The following EIF2B2 variants were observed in gnomAD, a reference collection of about 807,000 sequenced individuals.
The protein encoded by EIF2B2 is translation initiation factor eIF2B subunit beta.
A neutral mutation model predicts 34.7 loss-of-function variants in EIF2B2; 34 were observed. The observed-to-expected ratio is 0.98, with a 90% CI of 0.75 to 1.31. The LOEUF is 1.31. Ranked by LOEUF, EIF2B2 falls within the 50% of genes most tolerant of loss-of-function variation. The probability of loss-of-function intolerance (pLI) is 0.00; values close to 1 mark genes in which losing one functional copy is unlikely to be tolerated. For missense variants in EIF2B2, 361 were observed against 447.7 expected (o/e 0.81, Z 1.75); for synonymous variants, 155 against 171.6 (o/e 0.90, Z 0.76).
chr14:75,003,107 A>G lies in EIF2B2; in HGVS notation c.117A>G (p.Leu39=), dbSNP rs755897515. The G allele has an allele frequency of 8.1e-6, 13 of 1,613,598 alleles. 1 individual carries two copies. The South Asian group carries it at 1.4e-4, about 18-fold the overall frequency. ...RSSEEMARET[L]GLLRQIITDH... ...CCGAGGAAATGGCTCGGGAGACCCT[A>G]GGGTTGCTGCGCCAGATCATCACGG... The change falls in exon 1 of 8, where the codon CTA becomes CTG. Residue 39 remains leucine (L), a synonymous_variant. Transcript: ENST00000266126.
rs558148320 is a variant in EIF2B2, at chr14:75,010,520, T to G, written c.*1332T>G. On this transcript the variant is annotated 3_prime_UTR_variant, in exon 8 of 8. Coordinates refer to ENST00000266126, the MANE Select transcript of EIF2B2 (RefSeq NM_014239.4). Reference sequence around the variant, plus strand: ...ATTTGGGCTGGTTCACTGCATTTAATGTGAATTTGTTACCAATATTTAAAA... The same window carrying G: ...ATTTGGGCTGGTTCACTGCATTTAAGGTGAATTTGTTACCAATATTTAAAA... 6.6e-6 allele frequency: 1 copy of G among 152,344 alleles called. No homozygotes were observed. Among genetic ancestry groups the G allele is most frequent in the Non-Finnish European group, 1.5e-5 (1 of 68,034 alleles). 9.4% of individuals were successfully genotyped at this position (152,344 alleles called of 1,614,324 possible).
intron 6 of EIF2B2, chr14:75,007,236 T>C (rs1262162183): frequency 5.3e-6 from 2 of 375,482 alleles, no homozygotes; most frequent in African/African-American, 2.1e-5. Flanking sequence ...TTTAGTGATA[T>C]CTAGTACATT....
rs2139260275 is a variant in EIF2B2 at position 75,011,577 on chromosome 14, C to T, written c.*2389C>T. 6.6e-6 allele frequency: 1 copy of T among 152,294 alleles called. No individual in the cohort carries two copies. The highest frequency in any genetic ancestry group is 2.4e-5 in the African/African-American group (1 of 41,548). The allele number at this position is 152,294 out of a possible 1,614,324, so 9.4% of individuals were successfully genotyped here. On this transcript the variant is annotated 3_prime_UTR_variant, in exon 8 of 8. Coordinates refer to ENST00000266126, the MANE Select transcript of EIF2B2 (RefSeq NM_014239.4). ...TTTGAGAGCGATCTTTGCCTTAGGT[C>T]TTCCAGAGAGGGGAAAAAAGTAAGA... is the stretch of plus-strand genomic sequence containing the variant.
Position 75,006,577 on chromosome 14 carries a change from G to A in EIF2B2, c.694G>A (p.Val232Met). The A allele has an allele frequency of 1.2e-6, 2 of 1,613,946 alleles. No individual in the cohort carries two copies. The highest frequency in any genetic ancestry group is 1.7e-6 in the Non-Finnish European group (2 of 1,180,038). ...IFAVMSRVNK[V>M]IIGTKTILAN... ...TCACATTTTTTGTCTTGTCCCAAAG[G>A]TGATCATTGGCACGAAGACCATCCT... Residue 232 changes from valine (V) to methionine (M), a missense_variant and splice_region_variant, in exon 6 of 8, where the codon GTG becomes ATG. Transcript: ENST00000266126. The surrounding 1 kb of genome is among the most constrained non-coding windows in gnomAD (Gnocchi z 4.1).
rs1889635956 is a variant in EIF2B2, at chr14:75,006,984, C to G, written c.831+270C>G. 1.7e-6 allele frequency: 1 copy of G among 592,162 alleles called. No homozygotes were observed. Among genetic ancestry groups the G allele is most frequent in the Non-Finnish European group, 3.2e-6 (1 of 316,298 alleles). The allele number at this position is 592,162 out of a possible 1,614,324, so 36.7% of individuals were successfully genotyped here. On this transcript the variant is annotated intron_variant, in intron 6 of 7. Transcript: ENST00000266126. This position sits in a 1 kb window ranked among gnomAD's most constrained non-coding sequence, Gnocchi z 4.1. ...CCTTTGCTTACGATTGCCACCACTCCCTGTCGCCTGACCATTTCTGAAAAT... is the reference window on the plus strand; with the variant it reads ...CCTTTGCTTACGATTGCCACCACTCGCTGTCGCCTGACCATTTCTGAAAAT...
chr14:75,006,069 C>A lies in EIF2B2; in HGVS notation c.693+108C>A. The A allele has an allele frequency of 1.1e-6, 1 of 935,298 alleles. No individual in the cohort carries two copies. Among genetic ancestry groups the A allele is most frequent in the Non-Finnish European group, 1.7e-6 (1 of 572,214 alleles). The allele number at this position is 935,298 out of a possible 1,614,324, so 57.9% of individuals were successfully genotyped here. ...GGTGAGAGAATAAAGTTTCTAGCACCTTTCAAAGTACATACTTAGGCCTTT... is the reference window on the plus strand; with the variant it reads ...GGTGAGAGAATAAAGTTTCTAGCACATTTCAAAGTACATACTTAGGCCTTT... On this transcript the variant is annotated intron_variant, in intron 5 of 7. Coordinates refer to ENST00000266126, the MANE Select transcript of EIF2B2 (RefSeq NM_014239.4). The surrounding 1 kb of genome is among the most constrained non-coding windows in gnomAD (Gnocchi z 4.1).
intron 7 of EIF2B2, chr14:75,008,445 T>G (rs867184054): frequency 2.4e-4 from 48 of 196,636 alleles, no homozygotes; most frequent in Admixed American, 1.1e-3. Context: ...AGCACTCTTC[T>G]AGGCACTGAA....
intron 1 of EIF2B2, 52 bp downstream of exon 1, chr14:75,003,205 CCCAGGG>C (rs1889566498): frequency 6.2e-7 from 1 of 1,613,360 alleles, no homozygotes; most frequent in Admixed American, 1.7e-5. Flanking sequence ...TGTTCCCGAT[CCCAGGG>C]CTGAAAATTT....
chr14:75,004,666 C>CATATATATATAT lies in EIF2B2; in HGVS notation c.434-58_434-47dup, dbSNP rs1230382829. On this transcript the variant is annotated intron_variant, in intron 3 of 7. Transcript: ENST00000266126. ...ATGTGTGTTTGTGATATAGCAATTT[C>CATATATATATAT]ATATATATATATATATATATATATT... 78 of 184,072 alleles carry CATATATATATAT rather than the reference C, an allele frequency of 4.2e-4. 2 individuals carry two copies. In the African/African-American group the frequency reaches 5.3e-3, roughly 13 times the overall value. 11.4% of individuals were successfully genotyped at this position (184,072 alleles called of 1,614,324 possible). A position where few individuals can be genotyped will look rare whatever the true frequency, so the allele number is the denominator to read the frequency against.
At position 75,003,624 on chromosome 14, in the gene EIF2B2, G is replaced by A. The variant is rs2139250961; in HGVS notation, c.358G>A (p.Glu120Lys). ...HKLLTSGGLN[E>K]DFSFHYAQLQ... ...ACTGTTGACATCCGGAGGCCTAAAC[G>A]AGGATTTCAGCTTCCATTATGCCCA... The change falls in exon 3 of 8, where the codon GAG (glutamate) becomes AAG (lysine). Residue 120 changes from glutamate (E) to lysine (K), a missense_variant. Glu to Lys is a moderately conservative substitution (Grantham distance 56). Coordinates refer to ENST00000266126, the MANE Select transcript of EIF2B2 (RefSeq NM_014239.4). 3.1e-6 allele frequency: 5 copies of A among 1,614,164 alleles called. No homozygotes were observed. The highest frequency in any genetic ancestry group is 1.1e-5 in the South Asian group (1 of 91,088).
intron 3 of EIF2B2, 48 bp from the exon 4 acceptor site, chr14:75,004,689 A>ATAGTTTTT: frequency 6.8e-6 from 1 of 146,204 alleles, no homozygotes; most frequent in Non-Finnish European, 1.0e-5. Flanking sequence ...ATATATATAT[A>ATAGTTTTT]TTTTTTTTTT....
At chr14:75,008,644 G>C (rs1889661289) in intron 7 of EIF2B2, among the ~76,000 whole-genome samples, 1 of 152,220 alleles carries the variant, frequency 6.6e-6, no homozygotes, top group Non-Finnish European at 1.5e-5. Flanking sequence ...TGAATGAACA[G>C]AGTCCACCAT....
chr14:75,009,451 CTG>C lies in EIF2B2; in HGVS notation c.*267_*268del. On this transcript the variant is annotated 3_prime_UTR_variant, in exon 8 of 8. Transcript: ENST00000266126. ...GAGCCTCTTAGTGACCTGGTTGCGT[CTG>C]TGTCAGGAACTTAAACTTTCTGGTT... 1 of 481,616 alleles carries C rather than the reference CTG, an allele frequency of 2.1e-6. No homozygotes were observed. Among genetic ancestry groups the C allele is most frequent in the South Asian group, 2.1e-5 (1 of 48,774 alleles). The allele number at this position is 481,616 out of a possible 1,614,324, so 29.8% of individuals were successfully genotyped here. A position where few individuals can be genotyped will look rare whatever the true frequency, so the allele number is the denominator to read the frequency against.
At position 75,008,396 on chromosome 14, in the gene EIF2B2, A is replaced by G. The variant is rs530666845; in HGVS notation, c.898+608A>G. 12 of 175,306 alleles carry G rather than the reference A, an allele frequency of 6.8e-5. 1 individual carries two copies. In the South Asian group the frequency reaches 1.4e-3, roughly 20 times the overall value. 10.9% of individuals were successfully genotyped at this position (175,306 alleles called of 1,614,324 possible). A position where few individuals can be genotyped will look rare whatever the true frequency, so the allele number is the denominator to read the frequency against. On this transcript the variant is annotated intron_variant, in intron 7 of 7. Coordinates refer to ENST00000266126, the MANE Select transcript of EIF2B2 (RefSeq NM_014239.4). ...ATCCCTTTATTTAAATAAACATTCA[A>G]TCTTCAAGAAATAGTTATTGAGCAC...
Position 75,003,171 on chromosome 14 carries a change from C to T in EIF2B2, c.163+18C>T, listed in dbSNP as rs369798006. 5.0e-6 allele frequency: 8 copies of T among 1,613,302 alleles called. No individual in the cohort carries two copies. Among genetic ancestry groups the T allele is most frequent in the Middle Eastern group, 1.7e-4 (1 of 6,058 alleles). On this transcript the variant is annotated intron_variant, in intron 1 of 7. Coordinates refer to ENST00000266126, the MANE Select transcript of EIF2B2 (RefSeq NM_014239.4). The stretch of plus-strand genomic sequence containing the variant: ...CAACGCGGGTGAGGCCGGCCTGCCT[C>T]CGCCGGCGAACCTGGCCCCTGTCTG...
At chr14:75,004,945 A>G in intron 4 of EIF2B2, 45 bp downstream of exon 4, 1 of 1,602,294 alleles carries the variant, frequency 6.2e-7, no homozygotes, top group Non-Finnish European at 8.5e-7. Flanking sequence ...TGAAAAATGA[A>G]GAAGAAATAA....
In EIF2B2 at chr14:75,011,586, A is replaced by AG. The variant is rs1889705026; in HGVS notation, c.*2402dup. ...GATCTTTGCCTTAGGTCTTCCAGAG[A>AG]GGGGAAAAAAGTAAGACCTCAGAAA... On this transcript the variant is annotated 3_prime_UTR_variant, in exon 8 of 8. Transcript: ENST00000266126. 1.3e-5 allele frequency: 2 copies of AG among 152,292 alleles called. No individual in the cohort carries two copies. Among genetic ancestry groups the AG allele is most frequent in the East Asian group, 1.9e-4 (1 of 5,186 alleles). 9.4% of individuals were successfully genotyped at this position (152,292 alleles called of 1,614,324 possible).
rs1446862949 is a variant in EIF2B2, at chr14:75,010,021, G to A, written c.*833G>A. ...GACTCTGTCTCTAAAAAAATAACAAGTACAAATGAAAGTATAGTTTCCTTT... is the reference window on the plus strand; with the variant it reads ...GACTCTGTCTCTAAAAAAATAACAAATACAAATGAAAGTATAGTTTCCTTT... On this transcript the variant is annotated 3_prime_UTR_variant, in exon 8 of 8. Coordinates refer to ENST00000266126, the MANE Select transcript of EIF2B2 (RefSeq NM_014239.4). 4 of 152,120 alleles carry A rather than the reference G, an allele frequency of 2.6e-5. No homozygotes were observed. The highest frequency in any genetic ancestry group is 5.9e-5 in the Non-Finnish European group (4 of 68,040). 9.4% of individuals were successfully genotyped at this position (152,120 alleles called of 1,614,324 possible).
rs947428949 is a variant in EIF2B2, at chr14:75,011,753, A to G, written c.*2565A>G. ...GGCTTGTAGCTACCAATTACGAGCAATTGTCTCCTCCAAAGGCACCAATTC... is the reference window on the plus strand; with the variant it reads ...GGCTTGTAGCTACCAATTACGAGCAGTTGTCTCCTCCAAAGGCACCAATTC... On this transcript the variant is annotated 3_prime_UTR_variant, in exon 8 of 8. Transcript: ENST00000266126. The G allele has an allele frequency of 6.6e-6, 1 of 152,242 alleles. No homozygotes were observed. Among genetic ancestry groups the G allele is most frequent in the Non-Finnish European group, 1.5e-5 (1 of 68,042 alleles). The allele number at this position is 152,242 out of a possible 1,614,324, so 9.4% of individuals were successfully genotyped here.
Sources: gnomAD v4.1 joint callset for allele counts (sites outside exome capture counted in the v4.1 genomes callset) on GRCh38, gnomAD v4.1.1 for gene constraint, Gnocchi (gnomAD v3.1) non-coding constraint, MANE v1.5 for transcripts, NCBI Gene and HGNC (gene_info 2026-07-23, HGNC 2026-07-21) for gene names.